Variants in PPFIA2 observed in about 807,000 individuals in gnomAD.
The protein encoded by PPFIA2 is PPFI scaffold protein A2, also known as liprin-alpha-2.
A neutral mutation model predicts 175.5 loss-of-function variants in PPFIA2; 46 were observed. The ratio of observed to expected loss-of-function variants is 0.26; its 90% CI spans 0.21 to 0.34. PPFIA2 has a LOEUF of 0.34. Ranked by LOEUF, PPFIA2 falls within the 10% of genes least tolerant of loss-of-function variation. PPFIA2 has a pLI of 1.00. For synonymous variants in PPFIA2, 568 were observed against 511.4 expected, an observed-to-expected ratio of 1.11 and a Z score of -1.49; for missense variants, 1,179 against 1,506.1, an observed-to-expected ratio of 0.78 and a Z score of 3.60.
At chr12:81,566,854 A>G (rs1416223690) in intron 4 of PPFIA2, among the ~76,000 whole-genome samples, 1 of 152,222 alleles carries the variant, frequency 6.6e-6, no homozygotes, top group Non-Finnish European at 1.5e-5. Context: ...TCATATATCT[A>G]TGTTTATACA....
chr12:81,752,427 AT>A (rs1042368980), intron 3 of PPFIA2, among the ~76,000 whole-genome samples: 6 of 152,228 alleles, frequency 3.9e-5, no homozygotes, highest in African/African-American at 1.4e-4. Context: ...TCCTTAAAAA[AT>A]ATAATATTTG....
chr12:81,423,547 T>C (rs986040886), intron 7 of PPFIA2, among the ~76,000 whole-genome samples: 3 of 152,150 alleles, frequency 2.0e-5, no homozygotes, highest in Non-Finnish European at 2.9e-5. Context: ...GTTCAACATC[T>C]ATTTATGAAA....
intron 4 of PPFIA2, among the ~76,000 whole-genome samples, chr12:81,605,113 T>C (rs1283194530): frequency 1.3e-5 from 2 of 151,858 alleles, no homozygotes; most frequent in Admixed American, 6.6e-5. Context: ...TTTATAATCC[T>C]GGAAAATAAT....
chr12:81,405,027 C>T (rs1190914075), intron 8 of PPFIA2, among the ~76,000 whole-genome samples: 2 of 152,090 alleles, frequency 1.3e-5, no homozygotes, highest in African/African-American at 2.4e-5. Flanking sequence ...TGTGTGAATG[C>T]CTCCATGTAA....
At chr12:81,566,113 T>A (rs185932819) in intron 4 of PPFIA2, among the ~76,000 whole-genome samples, 1 of 152,210 alleles carries the variant, frequency 6.6e-6, no homozygotes, top group Admixed American at 6.5e-5. Flanking sequence ...AAATACTGAG[T>A]CCCACTATGC....
chr12:81,490,617 A>G (rs1477616357), intron 4 of PPFIA2, among the ~76,000 whole-genome samples: 1 of 151,984 alleles, frequency 6.6e-6, no homozygotes, highest in Non-Finnish European at 1.5e-5. Flanking sequence ...GATGTTAAGC[A>G]GCCTTGACTG....
intron 4 of PPFIA2, among the ~76,000 whole-genome samples, chr12:81,479,539 G>A (rs1405507934): frequency 6.6e-6 from 1 of 152,092 alleles, no homozygotes; most frequent in Non-Finnish European, 1.5e-5. Context: ...TTACAATTTG[G>A]TATGTTTTTG....
chr12:81,642,312 G>A (rs1053132481), intron 4 of PPFIA2, among the ~76,000 whole-genome samples: 1 of 151,850 alleles, frequency 6.6e-6, no homozygotes, highest in Non-Finnish European at 1.5e-5. Flanking sequence ...CAACTTCTAT[G>A]CAGAGTTATG....
chr12:81,347,270 A>T (rs1432507207), intron 18 of PPFIA2, among the ~76,000 whole-genome samples: 1 of 152,072 alleles, frequency 6.6e-6, no homozygotes, highest in East Asian at 1.9e-4. Context: ...GACATTTATA[A>T]TGTGCTATTT....
intron 4 of PPFIA2, among the ~76,000 whole-genome samples, chr12:81,477,218 A>G (rs567544916): frequency 6.6e-6 from 1 of 152,112 alleles, no homozygotes; most frequent in African/African-American, 2.4e-5. Context: ...TTAAAATAAA[A>G]TTTAAAAAAA....
chr12:81,267,879 A>G, intron 29 of PPFIA2, 33 bp downstream of exon 29: 1 of 1,554,674 alleles, frequency 6.4e-7, no homozygotes, highest in African/African-American at 1.4e-5. Flanking sequence ...TATAAACCAG[A>G]ACACATTGAG....
chr12:81,440,178 A>G lies in PPFIA2; in HGVS notation c.571-132T>C, dbSNP rs536262205. ...AAAGTATTTATATCCCTGCGTGCTC[A>G]GAATACTAAATCTGGCAGAAATACA... On this transcript the variant is annotated intron_variant, in intron 6 of 32. Coordinates refer to ENST00000549396, the MANE Select transcript of PPFIA2 (RefSeq NM_003625.5). The G allele has an allele frequency of 7.3e-6, 4 of 551,316 alleles. No individual in the cohort carries two copies. In the East Asian group the frequency reaches 1.0e-4, roughly 14 times the overall value. The allele number at this position is 551,316 out of a possible 1,614,324, so 34.2% of individuals were successfully genotyped here. A position where few individuals can be genotyped will look rare whatever the true frequency, so the allele number is the denominator to read the frequency against.
intron 13 of PPFIA2, among the ~76,000 whole-genome samples, 195 bp from the exon 14 acceptor site, chr12:81,367,365 T>C (rs2033791300): frequency 6.6e-6 from 1 of 151,610 alleles, no homozygotes; most frequent in Non-Finnish European, 1.5e-5. Flanking sequence ...ATACATAATT[T>C]AAATGGGAAA....
intron 4 of PPFIA2, among the ~76,000 whole-genome samples, chr12:81,516,227 T>G (rs930754950): frequency 6.6e-6 from 1 of 152,126 alleles, no homozygotes; most frequent in African/African-American, 2.4e-5. Flanking sequence ...AGGAGATAGA[T>G]TCTACTTATT....
chr12:81,474,439 G>A (rs573728022), intron 4 of PPFIA2, among the ~76,000 whole-genome samples: 1 of 152,108 alleles, frequency 6.6e-6, no homozygotes, highest in Admixed American at 6.5e-5. Context: ...TTACAGGCAT[G>A]CACCACCACA....
intron 3 of PPFIA2, among the ~76,000 whole-genome samples, chr12:81,685,944 C>T (rs539940008): frequency 3.9e-4 from 60 of 152,096 alleles, no homozygotes; most frequent in Non-Finnish European, 6.9e-4. Context: ...ATTATTATTT[C>T]CACCATTTCA....
At chr12:81,358,040 AT>A in intron 16 of PPFIA2, 41 bp downstream of exon 16, 1 of 1,489,034 alleles carries the variant, frequency 6.7e-7, no homozygotes, top group South Asian at 1.4e-5. Flanking sequence ...GAAACTATGT[AT>A]TTAAATAAAA....
At chr12:81,568,983 C>T (rs558670691) in intron 4 of PPFIA2, among the ~76,000 whole-genome samples, 4 of 152,136 alleles carry the variant, frequency 2.6e-5, no homozygotes, top group Admixed American at 1.3e-4. Flanking sequence ...TAGAAAATCA[C>T]TGTTTTGATA....
intron 24 of PPFIA2, among the ~76,000 whole-genome samples, chr12:81,290,435 A>C (rs1171618409): frequency 2.0e-5 from 3 of 151,858 alleles, no homozygotes; most frequent in Non-Finnish European, 4.4e-5. Flanking sequence ...AGTGAGTAGA[A>C]GGAAGAGGAA....
Sources: gnomAD v4.1 joint callset for allele counts (sites outside exome capture counted in the v4.1 genomes callset) on GRCh38, gnomAD v4.1.1 for gene constraint, MANE v1.5 for transcripts, NCBI Gene and HGNC (gene_info 2026-07-23, HGNC 2026-07-21) for gene names.